Variants in SERPING1 observed in about 807,000 individuals in gnomAD.
SERPING1 encodes serpin family G member 1, also known as plasma protease C1 inhibitor.
In SERPING1, 5 loss-of-function variants were observed where a neutral mutation model predicts 34.1. That is an observed-to-expected ratio of 0.15 (90% CI 0.08 to 0.31). SERPING1 has a LOEUF of 0.31. Among genes scored for constraint, SERPING1 ranks in the 10% least tolerant of loss-of-function variants. The pLI is 1.00. For synonymous variants in SERPING1, 225 were observed against 242.4 expected (o/e 0.93, Z 0.67); for missense variants, 505 against 609.5 (o/e 0.83, Z 1.81).
Position 57,614,681 on chromosome 11 carries a change from T to C in SERPING1, c.*100T>C. ...CCTGGACTTGGCCCCTGCCACCTCC[T>C]GCCTCAGGTGTCCGCTATCCACCAA... is the stretch of plus-strand genomic sequence containing the variant. On this transcript the variant is annotated 3_prime_UTR_variant, in exon 8 of 8. Coordinates refer to ENST00000278407, the MANE Select transcript of SERPING1 (RefSeq NM_000062.3). 1 of 1,398,004 alleles carries C rather than the reference T, an allele frequency of 7.2e-7. No individual in the cohort carries two copies. 86.6% of individuals were successfully genotyped at this position (1,398,004 alleles called of 1,614,324 possible). A position where few individuals can be genotyped will look rare whatever the true frequency, so the allele number is the denominator to read the frequency against.
intron 5 of SERPING1, 67 bp downstream of exon 5, chr11:57,606,280 C>T (rs1487905439): frequency 2.6e-5 from 41 of 1,600,840 alleles, no homozygotes; most frequent in Non-Finnish European, 3.3e-5. Flanking sequence ...GCTTCAAAGC[C>T]CACTTAACCC....
At chr11:57,612,403 CTTTT>C (rs1175159358) in intron 7 of SERPING1, among the ~76,000 whole-genome samples, 2 of 135,214 alleles carry the variant, frequency 1.5e-5, no homozygotes. Flanking sequence ...ACTCCATTTT[CTTTT>C]TTTTTTTTTT....
chr11:57,598,210 C>T (rs1945309305), intron 1 of SERPING1, 39 bp from the exon 2 acceptor site: 1 of 1,514,586 alleles, frequency 6.6e-7, no homozygotes. Context: ...CCTGGGCTCC[C>T]AGGGTGGGAG....
At chr11:57,610,046 G>A (rs1945461736) in intron 6 of SERPING1, among the ~76,000 whole-genome samples, 1 of 152,220 alleles carries the variant, frequency 6.6e-6, no homozygotes, top group Non-Finnish European at 1.5e-5. Flanking sequence ...TTTGAAGGGT[G>A]AATTAACTTC....
At chr11:57,605,365 C>G (rs1945397462) in intron 4 of SERPING1, among the ~76,000 whole-genome samples, 1 of 151,570 alleles carries the variant, frequency 6.6e-6, no homozygotes, top group South Asian at 2.1e-4. Context: ...GTGGCACCAT[C>G]TCAGCTCACT....
chr11:57,605,276 G>A (rs1001368578), intron 4 of SERPING1, among the ~76,000 whole-genome samples: 10 of 152,050 alleles, frequency 6.6e-5, no homozygotes. Flanking sequence ...GTTGTACTTA[G>A]GCATCAGCAA....
chr11:57,608,343 A>T (rs1420782695), intron 6 of SERPING1, among the ~76,000 whole-genome samples: 1 of 152,218 alleles, frequency 6.6e-6, no homozygotes, highest in Non-Finnish European at 1.5e-5. Flanking sequence ...TCTAAACCAA[A>T]AATCATTGTA....
intron 4 of SERPING1, among the ~76,000 whole-genome samples, chr11:57,603,919 G>A (rs1402572906): frequency 6.6e-6 from 1 of 151,504 alleles, no homozygotes; most frequent in Non-Finnish European, 1.5e-5. Flanking sequence ...GGAGGCTGAG[G>A]TGGGCGGATC....
At chr11:57,601,944 C>G (rs1945351944) in intron 3 of SERPING1, 91 bp from the exon 4 acceptor site, 1 of 1,412,980 alleles carries the variant, frequency 7.1e-7, no homozygotes. Context: ...CAGGGAATAC[C>G]CTCCATTCCA....
intron 2 of SERPING1, among the ~76,000 whole-genome samples, chr11:57,599,624 TAC>T (rs937400101): frequency 6.6e-6 from 1 of 152,172 alleles, no homozygotes; most frequent in African/African-American, 2.4e-5. Context: ...GGTCAGAGAT[TAC>T]AGAGTCCCTG....
chr11:57,609,632 G>A (rs1332350576), intron 6 of SERPING1, among the ~76,000 whole-genome samples: 5 of 151,876 alleles, frequency 3.3e-5, no homozygotes, highest in Admixed American at 3.3e-4. Flanking sequence ...ATTTGTTCTT[G>A]AATTAATTGC....
intron 6 of SERPING1, among the ~76,000 whole-genome samples, chr11:57,610,878 C>A (rs1945469710): frequency 6.6e-6 from 1 of 152,158 alleles, no homozygotes; most frequent in South Asian, 2.1e-4. Context: ...GTATTAAACC[C>A]AGGGGCCCTG....
intron 4 of SERPING1, among the ~76,000 whole-genome samples, chr11:57,603,818 A>G (rs1307408894): frequency 6.8e-6 from 1 of 147,590 alleles, no homozygotes; most frequent in Non-Finnish European, 1.5e-5. Context: ...CAGCCTGGGC[A>G]ACAGAGCGAG....
Position 57,602,273 on chromosome 11 carries a change from T to C in SERPING1, c.685+104T>C, listed in dbSNP as rs182263392. On this transcript the variant is annotated intron_variant, in intron 4 of 7. Coordinates refer to ENST00000278407, the MANE Select transcript of SERPING1 (RefSeq NM_000062.3). ...GAAAGGACAGAGGGAATGTTGGAGC[T>C]ACAGTATCAGGGATGGACTGCAGAG... 39 of 1,383,120 alleles carry C rather than the reference T, an allele frequency of 2.8e-5. No individual in the cohort carries two copies. In the African/African-American group the frequency reaches 5.1e-4, roughly 18 times the overall value. 85.7% of individuals were successfully genotyped at this position (1,383,120 alleles called of 1,614,324 possible).
intron 2 of SERPING1, 117 bp downstream of exon 2, chr11:57,598,438 T>G: frequency 1.0e-6 from 1 of 999,688 alleles, no homozygotes; most frequent in Non-Finnish European, 1.5e-6. Context: ...GGAGAGCTCC[T>G]CTTGGGATCA....
chr11:57,598,379 G>T, intron 2 of SERPING1, 58 bp downstream of exon 2: 1 of 1,508,848 alleles, frequency 6.6e-7, no homozygotes, highest in Non-Finnish European at 8.9e-7. Context: ...GGGATGGTGC[G>T]GGGTGCGGGC....
chr11:57,614,697 T>C lies in SERPING1; in HGVS notation c.*116T>C. On this transcript the variant is annotated 3_prime_UTR_variant, in exon 8 of 8. Coordinates refer to ENST00000278407, the MANE Select transcript of SERPING1 (RefSeq NM_000062.3). ...GCCACCTCCTGCCTCAGGTGTCCGCTATCCACCAAAAGGGCTCCCTGAGGG... is the reference window on the plus strand; with the variant it reads ...GCCACCTCCTGCCTCAGGTGTCCGCCATCCACCAAAAGGGCTCCCTGAGGG... The C allele has an allele frequency of 7.8e-7, 1 of 1,280,144 alleles. No homozygotes were observed. Among genetic ancestry groups the C allele is most frequent in the Admixed American group, 2.2e-5 (1 of 46,380 alleles). The allele number at this position is 1,280,144 out of a possible 1,614,324, so 79.3% of individuals were successfully genotyped here.
rs1945354676 is a variant in SERPING1, at chr11:57,602,127, A to G, written c.643A>G (p.Thr215Ala). The G allele has an allele frequency of 6.2e-7, 1 of 1,614,172 alleles. No homozygotes were observed. The highest frequency in any genetic ancestry group is 2.2e-5 in the East Asian group (1 of 44,864). Residue 215 changes from threonine to alanine, a missense_variant, in exon 4 of 8, where the codon ACC becomes GCC. Coordinates refer to ENST00000278407, the MANE Select transcript of SERPING1 (RefSeq NM_000062.3). ...CVHQALKGFT[T>A]KGVTSVSQIF... is the part of the protein sequence containing the mutation. The stretch of plus-strand genomic sequence containing the variant: ...CCACCAGGCCCTGAAGGGCTTCACG[A>G]CCAAAGGTGTCACCTCAGTCTCTCA...
chr11:57,597,992 C>T (rs1262030453), intron 1 of SERPING1: 1 of 500,650 alleles, frequency 2.0e-6, no homozygotes, highest in Non-Finnish European at 3.7e-6. Context: ...CCCACCACCT[C>T]CCCTCCGACT....
Sources: allele counts gnomAD v4.1 joint callset (sites outside exome capture counted in the v4.1 genomes callset), GRCh38; gene constraint gnomAD v4.1.1; transcripts MANE v1.5; gene names NCBI Gene and HGNC (gene_info 2026-07-23, HGNC 2026-07-21).